Variants in GRTP1 observed in about 807,000 individuals in gnomAD.
The protein encoded by GRTP1 is growth hormone-regulated TBC protein 1.
A neutral mutation model predicts 38.1 loss-of-function variants in GRTP1; 56 were observed. The ratio of observed to expected loss-of-function variants is 1.47; its 90% CI spans 1.19 to 1.84. The LOEUF is 1.84. GRTP1 is among the 40% of genes most tolerant of loss of function. The pLI is 0.00. For missense variants in GRTP1, 506 were observed against 453.9 expected, an observed-to-expected ratio of 1.11 and a Z score of -1.04; for synonymous variants, 217 against 189.5, an observed-to-expected ratio of 1.14 and a Z score of -1.19.
In GRTP1 at chr13:113,349,183, T is replaced by G. The variant is rs2043218972; in HGVS notation, c.465+1666A>C. Among the ~76,000 whole-genome samples, 1 of 151,100 alleles carries G rather than the reference T, an allele frequency of 6.6e-6. No individual in the cohort carries two copies. The highest frequency in any genetic ancestry group is 2.4e-5 in the African/African-American group (1 of 41,174). The stretch of plus-strand genomic sequence containing the variant: ...GGCCACCCAGGTGGGTGGTGTTTTT[T>G]TTTGTTTGTTTCTCGGTTTTTTTCA... On this transcript the variant is annotated intron_variant, in intron 4 of 7. Coordinates refer to ENST00000375431, the MANE Select transcript of GRTP1 (RefSeq NM_024719.4). The surrounding 1 kb of genome is among the most constrained non-coding windows in gnomAD (Gnocchi z 5.0).
Position 113,324,196 on chromosome 13 carries a change from A to T in GRTP1, c.*292T>A. 2.7e-6 allele frequency: 1 copy of T among 364,412 alleles called. No individual in the cohort carries two copies. The highest frequency in any genetic ancestry group is 4.3e-5 in the East Asian group (1 of 23,352). The allele number at this position is 364,412 out of a possible 1,614,324, so 22.6% of individuals were successfully genotyped here. A position where few individuals can be genotyped will look rare whatever the true frequency, so the allele number is the denominator to read the frequency against. On this transcript the variant is annotated 3_prime_UTR_variant, in exon 8 of 8. Coordinates refer to ENST00000375431, the MANE Select transcript of GRTP1 (RefSeq NM_024719.4). ...CAGTCAGCTGAGAAACTGATCACAA[A>T]CACAGGTGTTGGCATACTTTATTAG...
chr13:113,363,494 C>G (rs370196566), intron 2 of GRTP1, among the ~76,000 whole-genome samples: 2 of 152,194 alleles, frequency 1.3e-5, no homozygotes, highest in South Asian at 2.1e-4. Flanking sequence ...CGTGAGCCAC[C>G]GCGCCCGGCA....
intron 3 of GRTP1, chr13:113,355,016 G>C: frequency 3.5e-6 from 1 of 286,374 alleles, no homozygotes; most frequent in Non-Finnish European, 6.5e-6. Context: ...AGTGCCCGGT[G>C]CGAAGCGCAC....
At position 113,344,948 on chromosome 13, in the gene GRTP1, A is replaced by G; in HGVS notation, c.477T>C (p.Phe159=). The change falls in exon 5 of 8, where the codon TTT becomes TTC. Residue 159 remains phenylalanine, a synonymous_variant. Coordinates refer to ENST00000375431, the MANE Select transcript of GRTP1 (RefSeq NM_024719.4). ...QGVGYCQGMN[F]IAGYLILITN... ...TTATAAGAATCAGATATCCTGCTATAAAATTCATTCCCTGAAATTAGAAAA... is the reference window on the plus strand; with the variant it reads ...TTATAAGAATCAGATATCCTGCTATGAAATTCATTCCCTGAAATTAGAAAA... The G allele has an allele frequency of 1.3e-6, 2 of 1,595,106 alleles. No individual in the cohort carries two copies. Among genetic ancestry groups the G allele is most frequent in the Non-Finnish European group, 1.7e-6 (2 of 1,174,674 alleles).
At chr13:113,345,073 A>G in intron 4 of GRTP1, 114 bp from the exon 5 acceptor site, 1 of 1,178,170 alleles carries the variant, frequency 8.5e-7, no homozygotes, top group Non-Finnish European at 1.1e-6. Context: ...TCTCCTTAAA[A>G]CCTGCATAAT....
At position 113,344,328 on chromosome 13, in the gene GRTP1, G is replaced by C. The variant is rs534640749; in HGVS notation, c.562+535C>G. On this transcript the variant is annotated intron_variant, in intron 5 of 7. Transcript: ENST00000375431. ...AAGAGACGGCAAAAGGCCCTCTGCC[G>C]TCCCAGGAGCAAGCAGTTGCTGCAG... Among the ~76,000 whole-genome samples the C allele has an allele frequency of 2.0e-5, 3 of 152,334 alleles. No individual in the cohort carries two copies. In the South Asian group the frequency reaches 6.2e-4, roughly 32 times the overall value.
chr13:113,363,902 G>A lies in GRTP1; in HGVS notation c.41C>T (p.Pro14Leu). Residue 14 changes from proline (P) to leucine (L), a missense_variant, in exon 2 of 8, where the codon CCG becomes CTG. Pro to Leu is a moderately conservative substitution (Grantham distance 98, BLOSUM62 -3). Transcript: ENST00000375431. ...GTCCTCAGGCCGCTCGAATCCGTAC[G>A]GGTCGATCCTGCAAAACCGAGAGAA... ...AERSRVPRIDPYGFERPEDFD... is the reference protein window; with the variant it reads ...AERSRVPRIDLYGFERPEDFD... The A allele has an allele frequency of 1.9e-6, 3 of 1,611,172 alleles. No individual in the cohort carries two copies. Among genetic ancestry groups the A allele is most frequent in the Non-Finnish European group, 2.5e-6 (3 of 1,179,276 alleles).
chr13:113,346,103 CGAG>C (rs2043111610), intron 4 of GRTP1, among the ~76,000 whole-genome samples: 1 of 45,668 alleles, frequency 2.2e-5, no homozygotes, highest in Non-Finnish European at 4.2e-5. Context: ...CATCTGTGGC[CGAG>C]AACAGACCCG....
chr13:113,330,986 G>C (rs1198113135), intron 5 of GRTP1, among the ~76,000 whole-genome samples: 5 of 146,182 alleles, frequency 3.4e-5, no homozygotes, highest in Non-Finnish European at 7.5e-5. Flanking sequence ...GTGTGCATGG[G>C]AGCCCAGGCG....
chr13:113,351,513 T>C (rs1266762421), intron 3 of GRTP1, among the ~76,000 whole-genome samples: 3 of 152,236 alleles, frequency 2.0e-5, no homozygotes, highest in African/African-American at 4.8e-5. Context: ...TCAGCTTGTG[T>C]GTGCAGGAGG....
chr13:113,333,870 T>TGC (rs1396434892), intron 5 of GRTP1, among the ~76,000 whole-genome samples: 4 of 141,968 alleles, frequency 2.8e-5, no homozygotes, highest in African/African-American at 1.1e-4. Flanking sequence ...TGTGTGTGTG[T>TGC]GTGTCCGAGG....
chr13:113,344,328 G>T (rs534640749), intron 5 of GRTP1, among the ~76,000 whole-genome samples: 7 of 152,216 alleles, frequency 4.6e-5, no homozygotes, highest in Non-Finnish European at 8.8e-5. Context: ...GCCCTCTGCC[G>T]TCCCAGGAGC....
At chr13:113,346,269 AGGACCTCTGTGGCTGAGCGGATCTG>A (rs1469207847) in intron 4 of GRTP1, among the ~76,000 whole-genome samples, 1 of 97,244 alleles carries the variant, frequency 1.0e-5, no homozygotes, top group Non-Finnish European at 2.0e-5. Context: ...CAGATCCGGG[AGGACCTCTGTGGCTGAGCGGATCTG>A]GGAGGACCTC....
chr13:113,344,324 T>C (rs973670168), intron 5 of GRTP1, among the ~76,000 whole-genome samples: 1 of 152,232 alleles, frequency 6.6e-6, no homozygotes, highest in Non-Finnish European at 1.5e-5. Context: ...AAAGGCCCTC[T>C]GCCGTCCCAG....
rs1043037061 is a variant in GRTP1 at position 113,349,428 on chromosome 13, G to T, written c.465+1421C>A. Among the ~76,000 whole-genome samples the T allele has an allele frequency of 6.6e-6, 1 of 152,224 alleles. No individual in the cohort carries two copies. Among genetic ancestry groups the T allele is most frequent in the African/African-American group, 2.4e-5 (1 of 41,460 alleles). ...CTGGTGTATGCATTTTAATAAAGCT[G>T]TTTTTAAAACACAAAGGAGCAGTAA... is the stretch of plus-strand genomic sequence containing the variant. On this transcript the variant is annotated intron_variant, in intron 4 of 7. Transcript: ENST00000375431. This position sits in a 1 kb window ranked among gnomAD's most constrained non-coding sequence, Gnocchi z 5.0.
At chr13:113,325,361 G>A (rs1165830641) in intron 7 of GRTP1, 5 of 1,425,554 alleles carry the variant, frequency 3.5e-6, no homozygotes, top group Non-Finnish European at 3.7e-6. Flanking sequence ...GGACCCAGTG[G>A]GGAGGCCGGG....
chr13:113,338,133 A>G (rs2042979313), intron 5 of GRTP1, among the ~76,000 whole-genome samples: 1 of 152,042 alleles, frequency 6.6e-6, no homozygotes, highest in African/African-American at 2.4e-5. Flanking sequence ...GGCCCGGTCA[A>G]CCTCCTCCTC....
intron 2 of GRTP1, among the ~76,000 whole-genome samples, chr13:113,357,550 C>T (rs1338720321): frequency 2.0e-5 from 3 of 151,452 alleles, no homozygotes; most frequent in Non-Finnish European, 4.4e-5. Flanking sequence ...ACTTGGTTTA[C>T]GGTTTATTCA....
In GRTP1 at chr13:113,342,178, C is replaced by A. The variant is rs1039063992; in HGVS notation, c.562+2685G>T. On this transcript the variant is annotated intron_variant, in intron 5 of 7. Coordinates refer to ENST00000375431, the MANE Select transcript of GRTP1 (RefSeq NM_024719.4). This position sits in a 1 kb window ranked among gnomAD's most constrained non-coding sequence, Gnocchi z 4.5. ...GGCTGGTCTTGAACTCCCCTAAATG[C>A]CTGCCTCGGTCTTGCAAAGTGCTAG... Among the ~76,000 whole-genome samples the A allele has an allele frequency of 2.0e-5, 3 of 152,122 alleles. No homozygotes were observed. Among genetic ancestry groups the A allele is most frequent in the Admixed American group, 2.0e-4 (3 of 15,274 alleles).
Sources: gnomAD v4.1 joint callset for allele counts (sites outside exome capture counted in the v4.1 genomes callset) on GRCh38, gnomAD v4.1.1 for gene constraint, Gnocchi (gnomAD v3.1) non-coding constraint, MANE v1.5 for transcripts, NCBI Gene and HGNC (gene_info 2026-07-23, HGNC 2026-07-21) for gene names.